The following ZFP92 variants were observed in gnomAD, a reference collection of about 807,000 sequenced individuals.
ZFP92 encodes ZFP92 zinc finger protein.
A neutral mutation model predicts 7.6 loss-of-function variants in ZFP92; 2 were observed. That is an observed-to-expected ratio of 0.26 (90% CI 0.11 to 0.83). The LOEUF (loss-of-function observed/expected upper bound fraction) is 0.83, where lower values mean the gene tolerates loss of function less well. Among genes scored for constraint, ZFP92 ranks in the 40% least tolerant of loss-of-function variants. The pLI is 0.65. For missense variants in ZFP92, 324 were observed against 408.3 expected (o/e 0.79, Z 1.78); for synonymous variants, 226 against 183.6 (o/e 1.23, Z -1.87).
chrX:153,421,228 G>A lies in ZFP92; in HGVS notation c.851G>A (p.Arg284His). The part of the protein sequence containing the change: ...SRSSNLIEHQ[R>H]THRGEKPYAC... Reference sequence around the variant, plus strand: ...AGCTCCAACCTCATCGAGCACCAGCGCACGCACCGCGGCGAGAAGCCCTAC... The same window carrying A: ...AGCTCCAACCTCATCGAGCACCAGCACACGCACCGCGGCGAGAAGCCCTAC... The change falls in exon 6 of 6, where the codon CGC becomes CAC. Residue 284 changes from arginine to histidine, a missense_variant. By Grantham distance (29) the Arg-to-His change is conservative. Transcript: ENST00000338647. 1.7e-6 allele frequency: 2 copies of A among 1,181,539 alleles called. No individual in the cohort carries two copies. Among genetic ancestry groups the A allele is most frequent in the Admixed American group, 2.4e-5 (1 of 41,474 alleles).
Position 153,418,700 on chromosome X carries a change from G to C in ZFP92, c.61G>C (p.Val21Leu), listed in dbSNP as rs373159154. The C allele has an allele frequency of 3.4e-5, 40 of 1,165,877 alleles. No individual in the cohort carries two copies. The Admixed American group carries it at 1.0e-3, about 30-fold the overall frequency. ...KVPVSFEDVS[V>L]YFTKTEWKLL... is the part of the protein sequence containing the mutation. ...GCCAGTATCTTTTGAGGATGTGTCCGTGTACTTCACAAAGACAGAATGGAA... is the reference window on the plus strand; with the variant it reads ...GCCAGTATCTTTTGAGGATGTGTCCCTGTACTTCACAAAGACAGAATGGAA... Residue 21 changes from valine to leucine, a missense_variant, in exon 4 of 6, where the codon GTG becomes CTG. By Grantham distance (32) the Val-to-Leu change is conservative. Coordinates refer to ENST00000338647, the MANE Select transcript of ZFP92 (RefSeq NM_001136273.2).
rs1556974349 is a variant in ZFP92, at chrX:153,418,676, C to T, written c.37C>T (p.Pro13Ser). ...AILLTTRPKV[P>S]VSFEDVSVYF... ...CCACAAGAATGCCTTATTTTAGGTG[C>T]CAGTATCTTTTGAGGATGTGTCCGT... The change falls in exon 4 of 6, where the codon CCA (proline) becomes TCA (serine). Residue 13 changes from proline to serine, a missense_variant. Transcript: ENST00000338647. The T allele has an allele frequency of 2.6e-6, 3 of 1,167,429 alleles. No individual in the cohort carries two copies. The highest frequency in any genetic ancestry group is 2.3e-6 in the Non-Finnish European group (2 of 872,944).
intron 2 of ZFP92, among the ~76,000 whole-genome samples, chrX:153,413,148 A>G (rs1321665966): frequency 9.0e-6 from 1 of 110,856 alleles, no homozygotes; most frequent in Non-Finnish European, 1.9e-5. Flanking sequence ...AAACCCAACC[A>G]AAGTGGTGAT....
chrX:153,421,353 G>A lies in ZFP92; in HGVS notation c.976G>A (p.Gly326Ser), dbSNP rs1556975112. Residue 326 changes from glycine (G) to serine (S), a missense_variant, in exon 6 of 6, where the codon GGC (glycine) becomes AGC (serine). Gly to Ser is a moderately conservative substitution (Grantham distance 56). Transcript: ENST00000338647. Reference sequence around the variant, plus strand: ...GCGGCCCTTCGCGTGCCGCGAGTGCGGCAAGGCCTTCCGTGGCCGTTCGGG... The same window carrying A: ...GCGGCCCTTCGCGTGCCGCGAGTGCAGCAAGGCCTTCCGTGGCCGTTCGGG... ...GERPFACREC[G>S]KAFRGRSGLS... 9.5e-6 allele frequency: 11 copies of A among 1,163,253 alleles called. No homozygotes were observed. The highest frequency in any genetic ancestry group is 1.3e-5 in the Non-Finnish European group (11 of 874,120).
intron 2 of ZFP92, among the ~76,000 whole-genome samples, chrX:153,417,104 T>C (rs1004678106): frequency 8.9e-5 from 10 of 112,413 alleles, no homozygotes; most frequent in African/African-American, 3.2e-4. Flanking sequence ...GAGACTCAGA[T>C]ATCCAACCCA....
At position 153,424,701 on chromosome X, in the gene ZFP92, G is replaced by A. The variant is rs1467808524; in HGVS notation, c.*3073G>A. On this transcript the variant is annotated 3_prime_UTR_variant, in exon 6 of 6. Coordinates refer to ENST00000338647, the MANE Select transcript of ZFP92 (RefSeq NM_001136273.2). ...CTTTGAAACTGTGAATGCTTCAAGA[G>A]CCACATAAATGCTCTGGCAGTGTCT... The A allele has an allele frequency of 1.8e-5, 2 of 112,587 alleles. No individual in the cohort carries two copies. Among genetic ancestry groups the A allele is most frequent in the African/African-American group, 6.5e-5 (2 of 30,971 alleles). 9.3% of individuals were successfully genotyped at this position (112,587 alleles called of 1,213,427 possible). A position where few individuals can be genotyped will look rare whatever the true frequency, so the allele number is the denominator to read the frequency against.
intron 2 of ZFP92, among the ~76,000 whole-genome samples, chrX:153,417,234 C>G (rs2088959571): frequency 6.2e-5 from 7 of 112,561 alleles, no homozygotes. Context: ...CAACTTCCTG[C>G]TGTCCCTCCA....
Position 153,426,047 on chromosome X carries a change from G to GTCTT in ZFP92, c.*4421_*4424dup, listed in dbSNP as rs781892607. 1 of 111,184 alleles carries GTCTT rather than the reference G, an allele frequency of 9.0e-6. No homozygotes were observed. The highest frequency in any genetic ancestry group is 1.9e-5 in the Non-Finnish European group (1 of 53,050). 9.2% of individuals were successfully genotyped at this position (111,184 alleles called of 1,213,427 possible). On this transcript the variant is annotated 3_prime_UTR_variant, in exon 6 of 6. Coordinates refer to ENST00000338647, the MANE Select transcript of ZFP92 (RefSeq NM_001136273.2). ...ATAATGGGCATACAAGAAACTGCAC[G>GTCTT]TCTTTAAAGTGTACAGTTGGAGGGT...
intron 2 of ZFP92, among the ~76,000 whole-genome samples, chrX:153,413,403 C>G (rs941990933): frequency 1.6e-4 from 17 of 107,166 alleles, no homozygotes; most frequent in Admixed American, 1.1e-3. Context: ...GTGGAGCACC[C>G]TGCATACTCA....
intron 3 of ZFP92, 121 bp downstream of exon 3, chrX:153,418,476 T>C: frequency 7.9e-6 from 8 of 1,009,721 alleles, no homozygotes; most frequent in Non-Finnish European, 1.1e-5. Context: ...TTTCCTTTCC[T>C]GAGGCGCACA....
chrX:153,417,411 A>G (rs1415497730), intron 2 of ZFP92, among the ~76,000 whole-genome samples: 5 of 111,543 alleles, frequency 4.5e-5, no homozygotes, highest in African/African-American at 1.6e-4. Flanking sequence ...CCCTTCAGAG[A>G]GCACCCCCAC....
In ZFP92 at chrX:153,421,365, C is replaced by A. The variant is rs782051847; in HGVS notation, c.988C>A (p.Arg330Ser). 8.6e-7 allele frequency: 1 copy of A among 1,159,819 alleles called. No individual in the cohort carries two copies. The highest frequency in any genetic ancestry group is 1.1e-6 in the Non-Finnish European group (1 of 872,746). The change falls in exon 6 of 6, where the codon CGT becomes AGT. Residue 330 changes from arginine to serine, a missense_variant. Arg to Ser is a moderately radical substitution (Grantham distance 110). Coordinates refer to ENST00000338647, the MANE Select transcript of ZFP92 (RefSeq NM_001136273.2). ...GTGCCGCGAGTGCGGCAAGGCCTTC[C>A]GTGGCCGTTCGGGCCTCAGCCAGCA... ...FACRECGKAF[R>S]GRSGLSQHRR...
In ZFP92 at chrX:153,423,207, C is replaced by G. The variant is rs1556975771; in HGVS notation, c.*1579C>G. On this transcript the variant is annotated 3_prime_UTR_variant, in exon 6 of 6. Transcript: ENST00000338647. Reference sequence around the variant, plus strand: ...ACCTCCTTCCAGCCCTGTCCCCTCCCAGGGGAGAGGGGGTTTTTCATCCAC... The same window carrying G: ...ACCTCCTTCCAGCCCTGTCCCCTCCGAGGGGAGAGGGGGTTTTTCATCCAC... 9.0e-6 allele frequency: 1 copy of G among 110,850 alleles called. No homozygotes were observed. Among genetic ancestry groups the G allele is most frequent in the African/African-American group, 3.3e-5 (1 of 30,412 alleles). 9.1% of individuals were successfully genotyped at this position (110,850 alleles called of 1,213,427 possible). A position where few individuals can be genotyped will look rare whatever the true frequency, so the allele number is the denominator to read the frequency against.
chrX:153,412,148 G>A (rs1443301906), intron 2 of ZFP92, among the ~76,000 whole-genome samples, 135 bp downstream of exon 2: 2 of 112,819 alleles, frequency 1.8e-5, no homozygotes, highest in Non-Finnish European at 3.8e-5. Context: ...GTGCTCCAGA[G>A]GGTATCAGGT....
chrX:153,421,565 G>C lies in ZFP92; in HGVS notation c.1188G>C (p.Val396=). The C allele has an allele frequency of 3.7e-6, 4 of 1,072,156 alleles. No individual in the cohort carries two copies. The highest frequency in any genetic ancestry group is 4.8e-6 in the Non-Finnish European group (4 of 835,599). 88.4% of individuals were successfully genotyped at this position (1,072,156 alleles called of 1,213,427 possible). The change falls in exon 6 of 6, where the codon GTG becomes GTC. Residue 396 remains valine, a synonymous_variant. Coordinates refer to ENST00000338647, the MANE Select transcript of ZFP92 (RefSeq NM_001136273.2). ...GPGSTGPGSA[V]AATSPPRPST... ...GGAGCACCGGCCCTGGGAGCGCGGT[G>C]GCGGCCACCAGCCCCCCGCGGCCGA...
chrX:153,412,746 G>A (rs2088918841), intron 2 of ZFP92, among the ~76,000 whole-genome samples: 1 of 111,507 alleles, frequency 9.0e-6, no homozygotes, highest in African/African-American at 3.3e-5. Context: ...GGTGGGAGGA[G>A]GGTTGGGCAA....
rs1163758121 is a variant in ZFP92, at chrX:153,418,777, C to T, written c.138C>T (p.Asn46=). The change falls in exon 4 of 6, where the codon AAC becomes AAT. Residue 46 remains asparagine (N), a synonymous_variant. Transcript: ENST00000338647. ...KVLYKRVMLE[N]YSHLVSLGFS... ...TCTACAAGCGGGTGATGCTGGAGAA[C>T]TATAGCCATTTGGTGTCACTGGGTA... 4 of 1,166,333 alleles carry T rather than the reference C, an allele frequency of 3.4e-6. No individual in the cohort carries two copies. Among genetic ancestry groups the T allele is most frequent in the Non-Finnish European group, 3.4e-6 (3 of 872,863 alleles).
Position 153,422,916 on chromosome X carries a change from C to T in ZFP92, c.*1288C>T, listed in dbSNP as rs1243598273. 16 of 112,543 alleles carry T rather than the reference C, an allele frequency of 1.4e-4. No individual in the cohort carries two copies. In the Admixed American group the frequency reaches 1.5e-3, roughly 10 times the overall value. The allele number at this position is 112,543 out of a possible 1,213,427, so 9.3% of individuals were successfully genotyped here. A position where few individuals can be genotyped will look rare whatever the true frequency, so the allele number is the denominator to read the frequency against. On this transcript the variant is annotated 3_prime_UTR_variant, in exon 6 of 6. Coordinates refer to ENST00000338647, the MANE Select transcript of ZFP92 (RefSeq NM_001136273.2). ...AGAAAGGGGGCCACCCCAGGCCTGC[C>T]CCCAGATGAGTGTGGTGGCAAGCCT...
chrX:153,413,594 C>G (rs1275871732), intron 2 of ZFP92, among the ~76,000 whole-genome samples: 2 of 109,927 alleles, frequency 1.8e-5, no homozygotes, highest in Non-Finnish European at 3.8e-5. Context: ...GATGCTGTGC[C>G]TCGGGGAAGC....
Sources: allele counts gnomAD v4.1 joint callset (sites outside exome capture counted in the v4.1 genomes callset), GRCh38; gene constraint gnomAD v4.1.1; transcripts MANE v1.5; gene names NCBI Gene and HGNC (gene_info 2026-07-23, HGNC 2026-07-21).